FGF10: variants seen among roughly 807,000 people sequenced by gnomAD.
FGF10 encodes fibroblast growth factor 10.
FGF10 carries 2 observed loss-of-function variants against 19.8 expected under a neutral mutation model. That is an observed-to-expected ratio of 0.10 (90% CI 0.04 to 0.32). The LOEUF (loss-of-function observed/expected upper bound fraction) is 0.32. Among genes scored for constraint, FGF10 ranks in the 10% least tolerant of loss-of-function variants. FGF10 has a pLI of 1.00. For synonymous variants in FGF10, 112 were observed against 94.0 expected, an observed-to-expected ratio of 1.19 and a Z score of -1.10; for missense variants, 191 against 246.3, an observed-to-expected ratio of 0.78 and a Z score of 1.50.
chr5:44,338,711 A>G (rs576506591), intron 1 of FGF10, among the ~76,000 whole-genome samples: 1 of 152,340 alleles, frequency 6.6e-6, no homozygotes, highest in Admixed American at 6.5e-5. Flanking sequence ...AAGTTTCTCT[A>G]TAACTTTATC....
At chr5:44,359,870 T>C (rs1741435225) in intron 1 of FGF10, among the ~76,000 whole-genome samples, 1 of 151,516 alleles carries the variant, frequency 6.6e-6, no homozygotes, top group African/African-American at 2.4e-5. Context: ...CCAAGTCTCA[T>C]GGTCTATCAT....
chr5:44,359,368 C>T (rs1402175817), intron 1 of FGF10, among the ~76,000 whole-genome samples: 1 of 151,486 alleles, frequency 6.6e-6, no homozygotes, highest in East Asian at 1.9e-4. Context: ...ACAGGGAAAT[C>T]AATTCTTAAT....
chr5:44,314,522 T>C (rs555874877), intron 1 of FGF10, among the ~76,000 whole-genome samples: 80 of 151,442 alleles, frequency 5.3e-4, no homozygotes, highest in African/African-American at 1.9e-3. Flanking sequence ...TGTTCCCTCA[T>C]GATGCATCAT....
Position 44,322,040 on chromosome 5 carries a change from G to C in FGF10, c.326-11510C>G, listed in dbSNP as rs368092143. ...AGCCTCCCAAAGTGCTGGGATTACA[G>C]GTGTGAGCCACTGCGCCCAGCTACA... On this transcript the variant is annotated intron_variant, in intron 1 of 2. Transcript: ENST00000264664. Among the ~76,000 whole-genome samples, 27 of 152,276 alleles carry C rather than the reference G, an allele frequency of 1.8e-4. 1 individual carries two copies. Among genetic ancestry groups the C allele is most frequent in the Admixed American group, 1.3e-3 (20 of 15,286 alleles).
chr5:44,379,036 AG>A, intron 1 of FGF10, among the ~76,000 whole-genome samples: 1 of 152,218 alleles, frequency 6.6e-6, no homozygotes. Flanking sequence ...CTCCCTTTGC[AG>A]TTCCCTTCTC....
intron 1 of FGF10, among the ~76,000 whole-genome samples, chr5:44,368,909 C>T (rs1561216904): frequency 6.6e-6 from 1 of 152,194 alleles, no homozygotes; most frequent in South Asian, 2.1e-4. Flanking sequence ...CTGAAGCAAT[C>T]CTCCTGCTTT....
chr5:44,389,046 G>T lies in FGF10; in HGVS notation c.-364C>A. 2 of 361,902 alleles carry T rather than the reference G, an allele frequency of 5.5e-6. No individual in the cohort carries two copies. The highest frequency in any genetic ancestry group is 5.4e-5 in the South Asian group (2 of 37,162). The allele number at this position is 361,902 out of a possible 1,614,324, so 22.4% of individuals were successfully genotyped here. On this transcript the variant is annotated 5_prime_UTR_variant, in exon 1 of 3. Coordinates refer to ENST00000264664, the MANE Select transcript of FGF10 (RefSeq NM_004465.2). ...TACTCCTTTCTTCACCATGTTAGAT[G>T]CCAAAAAGGTCTGAAAAACAGATGA...
intron 1 of FGF10, among the ~76,000 whole-genome samples, chr5:44,317,981 A>G (rs959239721): frequency 1.3e-5 from 2 of 152,118 alleles, no homozygotes; most frequent in African/African-American, 4.8e-5. Context: ...AAATGATTCT[A>G]TCGCTAGTTT....
chr5:44,337,201 C>T (rs1477857186), intron 1 of FGF10, among the ~76,000 whole-genome samples: 1 of 151,838 alleles, frequency 6.6e-6, no homozygotes, highest in African/African-American at 2.4e-5. Flanking sequence ...AAAAAAGTAG[C>T]ATAACTCTGA....
intron 1 of FGF10, among the ~76,000 whole-genome samples, chr5:44,314,280 C>T (rs528744396): frequency 4.6e-5 from 7 of 152,196 alleles, no homozygotes; most frequent in South Asian, 4.1e-4. Context: ...GTTTAGTAAA[C>T]ATCTTGTGCA....
At position 44,302,067 on chromosome 5, in the gene FGF10, T is replaced by G. The variant is rs1269750753; in HGVS notation, c.*2928A>C. The stretch of plus-strand genomic sequence containing the variant: ...ACTCCTACAGAGGCAGATCTCTCAA[T>G]AGCTCCAATTTTTTTTTTTTTCAAA... On this transcript the variant is annotated 3_prime_UTR_variant, in exon 3 of 3. Coordinates refer to ENST00000264664, the MANE Select transcript of FGF10 (RefSeq NM_004465.2). Among the ~76,000 whole-genome samples, 1 of 151,588 alleles carries G rather than the reference T, an allele frequency of 6.6e-6. No homozygotes were observed. The highest frequency in any genetic ancestry group is 6.6e-5 in the Admixed American group (1 of 15,210).
chr5:44,362,939 G>A (rs1453154882), intron 1 of FGF10, among the ~76,000 whole-genome samples: 7 of 151,660 alleles, frequency 4.6e-5, no homozygotes, highest in Admixed American at 4.6e-4. Context: ...TCTGGTTTTA[G>A]TGGGAGACAG....
intron 1 of FGF10, among the ~76,000 whole-genome samples, chr5:44,356,288 C>T (rs1550936): frequency 1 from 151,348 of 151,480 alleles, 75,610 homozygotes; most frequent in Middle Eastern, 1. Flanking sequence ...TATCAGAAAA[C>T]CAACTCACTT....
intron 1 of FGF10, among the ~76,000 whole-genome samples, chr5:44,357,706 C>T (rs1308173945): frequency 1.3e-5 from 2 of 151,386 alleles, no homozygotes; most frequent in Non-Finnish European, 3.0e-5. Flanking sequence ...TTGTGAGGTG[C>T]TTAGGTAGTT....
rs150517882 is a variant in FGF10 at position 44,308,062 on chromosome 5, G to T, written c.429+2365C>A. Among the ~76,000 whole-genome samples the T allele has an allele frequency of 3.3e-5, 5 of 152,290 alleles. No homozygotes were observed. In the East Asian group the frequency reaches 5.8e-4, roughly 18 times the overall value. On this transcript the variant is annotated intron_variant, in intron 2 of 2. Coordinates refer to ENST00000264664, the MANE Select transcript of FGF10 (RefSeq NM_004465.2). ...TCTCCAAGGTCACAATCTATTGGGA[G>T]AAGACAGTGAACAACAAACACATTA...
intron 1 of FGF10, 88 bp from the exon 2 acceptor site, chr5:44,310,618 T>TACCAA: frequency 2.0e-6 from 2 of 977,540 alleles, no homozygotes; most frequent in Non-Finnish European, 3.2e-6. Context: ...TTGAGTTGTT[T>TACCAA]TTTGTGTGGT....
chr5:44,339,459 G>A (rs1014874737), intron 1 of FGF10, among the ~76,000 whole-genome samples: 7 of 152,142 alleles, frequency 4.6e-5, no homozygotes, highest in African/African-American at 7.2e-5. Flanking sequence ...AGCATAAGGC[G>A]TTCTGTTGGG....
At chr5:44,368,464 A>G (rs1427926805) in intron 1 of FGF10, among the ~76,000 whole-genome samples, 2 of 152,058 alleles carry the variant, frequency 1.3e-5, no homozygotes, top group South Asian at 2.1e-4. Context: ...GAAAAACCCA[A>G]CCACACTACT....
rs923571195 is a variant in FGF10 at position 44,302,634 on chromosome 5, G to A, written c.*2361C>T. 2.0e-5 allele frequency among the ~76,000 whole-genome samples: 3 copies of A among 152,092 alleles called. No homozygotes were observed. The highest frequency in any genetic ancestry group is 4.4e-5 in the Non-Finnish European group (3 of 68,028). On this transcript the variant is annotated 3_prime_UTR_variant, in exon 3 of 3. Coordinates refer to ENST00000264664, the MANE Select transcript of FGF10 (RefSeq NM_004465.2). The stretch of plus-strand genomic sequence containing the variant: ...CTTCCCACAGTCTCCCAAACTGCTG[G>A]GATTACAGGTGTGAGCTACTGCACC...
Sources: allele counts gnomAD v4.1 joint callset (sites outside exome capture counted in the v4.1 genomes callset), GRCh38; gene constraint gnomAD v4.1.1; transcripts MANE v1.5; gene names NCBI Gene and HGNC (gene_info 2026-07-23, HGNC 2026-07-21).